The following BANP variants were observed in gnomAD, a reference collection of about 807,000 sequenced individuals.
BANP encodes the protein BTG3 associated nuclear protein.
A neutral mutation model predicts 68.1 loss-of-function variants in BANP; 11 were observed. The observed-to-expected ratio is 0.16, with a 90% CI of 0.10 to 0.27. BANP has a LOEUF of 0.27. BANP is among the 10% of genes least tolerant of loss of function. BANP has a pLI of 1.00. For missense variants in BANP, 504 were observed against 722.7 expected, an observed-to-expected ratio of 0.70 and a Z score of 3.47; for synonymous variants, 329 against 303.2, an observed-to-expected ratio of 1.09 and a Z score of -0.88.
At chr16:88,033,383 T>A in intron 9 of BANP, 138 bp downstream of exon 9, 4 of 916,804 alleles carry the variant, frequency 4.4e-6, no homozygotes, top group South Asian at 2.8e-5. Context: ...GGTCCCCATT[T>A]AAAGTAGAGG....
rs1413901995 is a variant in BANP, at chr16:88,076,854, C to A, written c.*193C>A. 1.7e-6 allele frequency: 1 copy of A among 581,516 alleles called. No individual in the cohort carries two copies. The highest frequency in any genetic ancestry group is 2.9e-5 in the East Asian group (1 of 34,068). 36.0% of individuals were successfully genotyped at this position (581,516 alleles called of 1,614,324 possible). On this transcript the variant is annotated 3_prime_UTR_variant, in exon 14 of 14. Transcript: ENST00000682872. The stretch of plus-strand genomic sequence containing the variant: ...AGCCGCCGCCGCCCCCAGCCGGAGA[C>A]CCCTTTCGTTTGAGTCCTGCTGTTG...
At chr16:88,061,450 C>T (rs575168771) in intron 11 of BANP, among the ~76,000 whole-genome samples, 4 of 152,196 alleles carry the variant, frequency 2.6e-5, no homozygotes, top group Non-Finnish European at 5.9e-5. Context: ...GCTGTGTGTG[C>T]TCTGTTTCTG....
chr16:87,988,350 G>A (rs1333382055), intron 4 of BANP, among the ~76,000 whole-genome samples: 1 of 152,068 alleles, frequency 6.6e-6, no homozygotes, highest in Non-Finnish European at 1.5e-5. Flanking sequence ...TGCAACCTCT[G>A]CCTCCCAGGT....
At chr16:88,015,840 G>T (rs993240175) in intron 6 of BANP, among the ~76,000 whole-genome samples, 1 of 152,268 alleles carries the variant, frequency 6.6e-6, no homozygotes, top group Non-Finnish European at 1.5e-5. Context: ...CTGCCAGGAG[G>T]CCTGGCTGGC....
At chr16:88,009,557 A>T (rs2072382065) in intron 6 of BANP, among the ~76,000 whole-genome samples, 1 of 152,332 alleles carries the variant, frequency 6.6e-6, no homozygotes, top group African/African-American at 2.4e-5. Flanking sequence ...TCCGTTTGTC[A>T]TTACACACGC....
chr16:88,023,665 C>A (rs1237089117), intron 7 of BANP, among the ~76,000 whole-genome samples: 2 of 152,208 alleles, frequency 1.3e-5, no homozygotes, highest in Non-Finnish European at 2.9e-5. Context: ...TCTCTCATCT[C>A]GCTTCCCACA....
In BANP at chr16:88,071,312, G is replaced by A. The variant is rs780056686; in HGVS notation, c.1378-757G>A. ...GGCTGCCCACCCGCCTGCCTGGGCC[G>A]TCTTGACACCGGAGCTGCCTGCCTG... On this transcript the variant is annotated intron_variant, in intron 12 of 13. Coordinates refer to ENST00000682872, the MANE Select transcript of BANP (RefSeq NM_001386991.1). This position sits in a 1 kb window ranked among gnomAD's most constrained non-coding sequence, Gnocchi z 6.5. 112 of 369,656 alleles carry A rather than the reference G, an allele frequency of 3.0e-4. 1 individual carries two copies. The highest frequency in any genetic ancestry group is 2.0e-4 in the Non-Finnish European group (37 of 185,924). The allele number at this position is 369,656 out of a possible 1,614,324, so 22.9% of individuals were successfully genotyped here.
At chr16:87,972,737 C>G (rs570257162) in intron 1 of BANP, among the ~76,000 whole-genome samples, 1 of 152,208 alleles carries the variant, frequency 6.6e-6, no homozygotes, top group Non-Finnish European at 1.5e-5. Flanking sequence ...CCCCTCCCAC[C>G]TTTAATGAGC....
At chr16:88,008,107 A>G (rs2071808421) in intron 6 of BANP, among the ~76,000 whole-genome samples, 1 of 152,124 alleles carries the variant, frequency 6.6e-6, no homozygotes, top group Admixed American at 6.5e-5. Flanking sequence ...CCTTGACTCT[A>G]AATGGAATCC....
chr16:88,006,059 A>G (rs1208351111), intron 5 of BANP, 31 bp from the exon 6 acceptor site: 5 of 1,612,884 alleles, frequency 3.1e-6, no homozygotes, highest in African/African-American at 1.3e-5. Flanking sequence ...CTCTTACCAC[A>G]TCGGGCTGGT....
chr16:88,042,977 T>C (rs1365414782), intron 11 of BANP, among the ~76,000 whole-genome samples: 4 of 152,234 alleles, frequency 2.6e-5, no homozygotes, highest in African/African-American at 9.6e-5. Flanking sequence ...TAAAAAATTA[T>C]TTGGAACCAC....
At chr16:88,066,005 T>C (rs1046482218) in intron 12 of BANP, among the ~76,000 whole-genome samples, 1 of 152,150 alleles carries the variant, frequency 6.6e-6, no homozygotes, top group African/African-American at 2.4e-5. Flanking sequence ...GGTGTGCACC[T>C]GCGCCTGTGG....
chr16:87,968,250 G>C (rs996095434), intron 1 of BANP, among the ~76,000 whole-genome samples: 8 of 151,680 alleles, frequency 5.3e-5, no homozygotes, highest in Admixed American at 5.2e-4. Context: ...TTGGGAGACC[G>C]AGGTGGGTGG....
In BANP at chr16:88,004,228, T is replaced by C. The variant is rs1375112750; in HGVS notation, c.363-67T>C. On this transcript the variant is annotated intron_variant, in intron 4 of 13. Transcript: ENST00000682872. The surrounding 1 kb of genome is among the most constrained non-coding windows in gnomAD (Gnocchi z 7.0). ...AGTGGACTGTGTTGAATGACTCTTA[T>C]GTGCTCTTACCATGAATGTTGTTGT... The C allele has an allele frequency of 3.5e-5, 34 of 966,130 alleles. No individual in the cohort carries two copies. The highest frequency in any genetic ancestry group is 2.1e-4 in the Middle Eastern group (1 of 4,874). The allele number at this position is 966,130 out of a possible 1,614,324, so 59.8% of individuals were successfully genotyped here.
rs116529788 is a variant in BANP at position 88,007,263 on chromosome 16, T to G, written c.655+998T>G. Among the ~76,000 whole-genome samples the G allele has an allele frequency of 5.1e-3, 770 of 152,312 alleles. 9 individuals are homozygous for G. The highest frequency in any genetic ancestry group is 0.018 in the African/African-American group (741 of 41,566). On this transcript the variant is annotated intron_variant, in intron 6 of 13. Transcript: ENST00000682872. ...TGTTTTCATGTCTCTTGGATCAGTG[T>G]CTGGACGTGGGCTCTCAGAGGCAGG...
intron 8 of BANP, among the ~76,000 whole-genome samples, chr16:88,030,024 G>C (rs1021383450): frequency 3.3e-5 from 5 of 152,036 alleles, no homozygotes; most frequent in African/African-American, 1.2e-4. Flanking sequence ...AGTCCTCAGT[G>C]ATCAGTCGCT....
chr16:87,985,875 A>C lies in BANP; in HGVS notation c.362+1616A>C, dbSNP rs113013489. On this transcript the variant is annotated intron_variant, in intron 4 of 13. Coordinates refer to ENST00000682872, the MANE Select transcript of BANP (RefSeq NM_001386991.1). The stretch of plus-strand genomic sequence containing the variant: ...GTATAATTTTTTCTAGACTTGTAAT[A>C]GTTGAATTCATGGAAAATTCAAGTC... Among the ~76,000 whole-genome samples, 536 of 152,374 alleles carry C rather than the reference A, an allele frequency of 3.5e-3. 3 individuals are homozygous for C. The highest frequency in any genetic ancestry group is 0.012 in the African/African-American group (480 of 41,590).
chr16:88,021,563 C>T (rs1055834636), intron 7 of BANP, among the ~76,000 whole-genome samples: 4 of 152,212 alleles, frequency 2.6e-5, no homozygotes, highest in East Asian at 1.9e-4. Flanking sequence ...CTGCGTGGCT[C>T]GTGCTTAGAC....
chr16:88,061,640 C>T (rs1446444108), intron 11 of BANP, among the ~76,000 whole-genome samples: 3 of 152,000 alleles, frequency 2.0e-5, no homozygotes, highest in Non-Finnish European at 2.9e-5. Flanking sequence ...CTGGGATGAG[C>T]CTCTTTCTCT....
Sources: gnomAD v4.1 joint callset for allele counts (sites outside exome capture counted in the v4.1 genomes callset) on GRCh38, gnomAD v4.1.1 for gene constraint, Gnocchi (gnomAD v3.1) non-coding constraint, MANE v1.5 for transcripts, NCBI Gene and HGNC (gene_info 2026-07-23, HGNC 2026-07-21) for gene names.